Variants in IQCM observed in about 807,000 individuals in gnomAD.
The protein encoded by IQCM is IQ motif containing M, also known as IQ domain-containing protein M.
IQCM carries 45 observed loss-of-function variants against 57.6 expected under a neutral mutation model. The observed-to-expected ratio is 0.78, with a 90% CI of 0.62 to 1.00. The LOEUF (loss-of-function observed/expected upper bound fraction) is 1.00. Among genes scored for constraint, IQCM ranks in the 50% least tolerant of loss-of-function variants. IQCM has a pLI of 0.00. For missense variants in IQCM, 468 were observed against 511.6 expected (o/e 0.91, Z 0.82); for synonymous variants, 148 against 158.9 (o/e 0.93, Z 0.51).
chr4:149,494,540 C>T (rs1347231973), intron 12 of IQCM, among the ~76,000 whole-genome samples: 2 of 152,116 alleles, frequency 1.3e-5, no homozygotes, highest in Non-Finnish European at 2.9e-5. Context: ...AGCAAGAACT[C>T]AAGGCACTTG....
At chr4:149,445,915 G>C (rs575074869) in intron 12 of IQCM, among the ~76,000 whole-genome samples, 1 of 151,650 alleles carries the variant, frequency 6.6e-6, no homozygotes, top group Non-Finnish European at 1.5e-5. Flanking sequence ...TGGTTTTAAA[G>C]AAAAATGTTT....
intron 5 of IQCM, among the ~76,000 whole-genome samples, chr4:149,723,602 C>A (rs1765634846): frequency 1.3e-5 from 2 of 151,868 alleles, no homozygotes; most frequent in South Asian, 4.1e-4. Flanking sequence ...TTGACTTGCA[C>A]ATATTGAACC....
At chr4:149,370,729 T>G (rs1354605656) in intron 13 of IQCM, among the ~76,000 whole-genome samples, 1 of 152,164 alleles carries the variant, frequency 6.6e-6, no homozygotes, top group Non-Finnish European at 1.5e-5. Context: ...GTAGATAAGT[T>G]TCTGTATCTA....
At chr4:149,414,614 C>A (rs72724075) in intron 13 of IQCM, among the ~76,000 whole-genome samples, 32,893 of 151,720 alleles carry the variant, frequency 0.22, 4,467 homozygotes, top group Non-Finnish European at 0.29. Flanking sequence ...TTTTCCTCTC[C>A]CTTTTTAAGT....
intron 9 of IQCM, among the ~76,000 whole-genome samples, chr4:149,582,251 G>A (rs1752255159): frequency 1.5e-5 from 2 of 130,042 alleles, no homozygotes; most frequent in African/African-American, 5.6e-5. Flanking sequence ...ACCAGATCCT[G>A]CACCCTTGTA....
chr4:149,440,044 C>T (rs1735770035), intron 12 of IQCM, among the ~76,000 whole-genome samples: 1 of 148,816 alleles, frequency 6.7e-6, no homozygotes, highest in South Asian at 2.1e-4. Flanking sequence ...GCAACCTCTG[C>T]TTCCTGGGTT....
At chr4:149,811,968 T>C (rs1036625096) in intron 2 of IQCM, among the ~76,000 whole-genome samples, 2 of 152,180 alleles carry the variant, frequency 1.3e-5, no homozygotes, top group Non-Finnish European at 2.9e-5. Context: ...CAGGGAGATA[T>C]GTTTTGATAG....
intron 2 of IQCM, among the ~76,000 whole-genome samples, chr4:149,743,380 G>T (rs1767638132): frequency 6.6e-6 from 1 of 151,904 alleles, no homozygotes; most frequent in Non-Finnish European, 1.5e-5. Context: ...TAGTTATGTT[G>T]TCCATGCCTC....
chr4:149,734,427 G>GA (rs1481288906), intron 4 of IQCM, among the ~76,000 whole-genome samples: 1 of 152,000 alleles, frequency 6.6e-6, no homozygotes, highest in African/African-American at 2.4e-5. Context: ...TTGGTTAGAG[G>GA]AAAAATTAGT....
intron 2 of IQCM, among the ~76,000 whole-genome samples, chr4:149,755,255 A>G (rs985338851): frequency 6.6e-6 from 1 of 152,182 alleles, no homozygotes; most frequent in Non-Finnish European, 1.5e-5. Context: ...AATAAAACAT[A>G]GGTCAGACAA....
At chr4:149,777,453 A>T (rs1354336778) in intron 2 of IQCM, among the ~76,000 whole-genome samples, 1 of 152,196 alleles carries the variant, frequency 6.6e-6, no homozygotes, top group Non-Finnish European at 1.5e-5. Flanking sequence ...ATGGATTTCT[A>T]AAAAGATAGC....
intron 13 of IQCM, among the ~76,000 whole-genome samples, chr4:149,419,006 G>A (rs906170398): frequency 2.1e-4 from 32 of 152,104 alleles, no homozygotes; most frequent in African/African-American, 7.0e-4. Flanking sequence ...CAAACAAATG[G>A]AGAAACATTC....
chr4:149,778,784 A>G (rs1771340079), intron 2 of IQCM, among the ~76,000 whole-genome samples: 1 of 152,182 alleles, frequency 6.6e-6, no homozygotes, highest in Admixed American at 6.5e-5. Flanking sequence ...AATTGTCATA[A>G]TTAACCCAAT....
At chr4:149,644,543 T>C (rs1037333260) in intron 7 of IQCM, among the ~76,000 whole-genome samples, 2 of 152,242 alleles carry the variant, frequency 1.3e-5, no homozygotes, top group African/African-American at 4.8e-5. Flanking sequence ...ACTCTTATCT[T>C]GAATGCATTT....
intron 7 of IQCM, among the ~76,000 whole-genome samples, chr4:149,668,244 C>T (rs188431150): frequency 6.6e-5 from 10 of 152,270 alleles, no homozygotes; most frequent in South Asian, 6.2e-4. Flanking sequence ...AGAAACCCTA[C>T]GAGCCAGAAG....
intron 5 of IQCM, among the ~76,000 whole-genome samples, chr4:149,715,726 G>A (rs1401226026): frequency 6.6e-6 from 1 of 152,180 alleles, no homozygotes; most frequent in Non-Finnish European, 1.5e-5. Context: ...TTGAGCAACA[G>A]TACAGCTCTC....
intron 3 of IQCM, among the ~76,000 whole-genome samples, chr4:149,735,910 G>A (rs557101863): frequency 6.6e-6 from 1 of 150,522 alleles, no homozygotes; most frequent in African/African-American, 2.4e-5. Flanking sequence ...AAAAACACAT[G>A]TCTATGGATT....
intron 13 of IQCM, among the ~76,000 whole-genome samples, chr4:149,375,101 A>G (rs1194077511): frequency 6.6e-6 from 1 of 152,088 alleles, no homozygotes; most frequent in Non-Finnish European, 1.5e-5. Context: ...TTCGTATCAA[A>G]GAATACATAT....
intron 13 of IQCM, among the ~76,000 whole-genome samples, chr4:149,361,563 C>T (rs998386125): frequency 1.5e-4 from 23 of 152,202 alleles, no homozygotes; most frequent in Admixed American, 5.9e-4. Flanking sequence ...AAGGGGCCAA[C>T]GTACAGCTCA....
Sources: gnomAD v4.1 joint callset for allele counts (sites outside exome capture counted in the v4.1 genomes callset) on GRCh38, gnomAD v4.1.1 for gene constraint, MANE v1.5 for transcripts, NCBI Gene and HGNC (gene_info 2026-07-23, HGNC 2026-07-21) for gene names.